Variants in DYNC2H1 observed in about 807,000 individuals in gnomAD.
DYNC2H1 encodes dynein cytoplasmic 2 heavy chain 1, also known as cytoplasmic dynein 2 heavy chain 1.
Under a neutral mutation model 570.0 loss-of-function variants are expected in DYNC2H1, and 410 were observed. That is an observed-to-expected ratio of 0.72 (90% confidence interval 0.66 to 0.78). The LOEUF is 0.78. Among genes scored for constraint, DYNC2H1 ranks in the 30% least tolerant of loss-of-function variants. The probability of loss-of-function intolerance (pLI) is 0.00; values close to 1 mark genes in which losing one functional copy is unlikely to be tolerated. For missense variants in DYNC2H1, 4,865 were observed against 5,046.4 expected (o/e 0.96, Z 1.09); for synonymous variants, 1,688 against 1,677.6 (o/e 1.01, Z -0.15).
intron 83 of DYNC2H1, among the ~76,000 whole-genome samples, chr11:103,376,657 T>G (rs977028766): frequency 6.6e-5 from 10 of 152,236 alleles, no homozygotes; most frequent in African/African-American, 2.4e-4. Context: ...TAGCCACTAT[T>G]TGTAGCTGCT....
In DYNC2H1 at chr11:103,234,130, T is replaced by C; in HGVS notation, c.9537T>C (p.Leu3179=). The C allele has an allele frequency of 6.3e-7, 1 of 1,582,434 alleles. No individual in the cohort carries two copies. Among genetic ancestry groups the C allele is most frequent in the Non-Finnish European group, 8.6e-7 (1 of 1,162,916 alleles). ...CTGCAGAAGTCTTAATTAATCAGCT[T>C]GACAGAGAACATAAGAGATGGAATG... ...IKAAEVLINQ[L]DREHKRWNAQ... is the part of the protein sequence containing the mutation. Residue 3179 remains leucine, a synonymous_variant, in exon 61 of 89, where the codon CTT becomes CTC. Coordinates refer to ENST00000375735, the MANE Select transcript of DYNC2H1 (RefSeq NM_001377.3).
chr11:103,262,786 G>A (rs1865353566), intron 70 of DYNC2H1, among the ~76,000 whole-genome samples: 1 of 151,998 alleles, frequency 6.6e-6, no homozygotes, highest in Non-Finnish European at 1.5e-5. Flanking sequence ...TGAAGAAACT[G>A]CATCAACTAA....
At chr11:103,161,126 A>T (rs1236954347) in intron 29 of DYNC2H1, 82 bp downstream of exon 29, 1 of 756,962 alleles carries the variant, frequency 1.3e-6, no homozygotes, top group Non-Finnish European at 2.0e-6. Flanking sequence ...TAGTCAATTT[A>T]GAGGGTAAAG....
Position 103,461,733 on chromosome 11 carries a change from T to A in DYNC2H1, c.12648+5377T>A, listed in dbSNP as rs1945020313. Among the ~76,000 whole-genome samples the A allele has an allele frequency of 6.6e-6, 1 of 152,082 alleles. No individual in the cohort carries two copies. Among genetic ancestry groups the A allele is most frequent in the Non-Finnish European group, 1.5e-5 (1 of 67,998 alleles). ...CATCCTTTGGTCTTCAAGGTTTTTT[T>A]TTTTTAATAATGTTTAATACTTTCT... On this transcript the variant is annotated intron_variant, in intron 87 of 88. Transcript: ENST00000375735. The surrounding 1 kb of genome is among the most constrained non-coding windows in gnomAD (Gnocchi z 4.8).
chr11:103,158,883 GC>G (rs1232734733), intron 27 of DYNC2H1, 26 bp from the exon 28 acceptor site: 1 of 1,550,550 alleles, frequency 6.4e-7, no homozygotes, highest in Non-Finnish European at 8.7e-7. Flanking sequence ...AAAAAAGAAA[GC>G]TATTTTTTGT....
At chr11:103,313,192 A>G (rs1867676575) in intron 79 of DYNC2H1, among the ~76,000 whole-genome samples, 1 of 152,152 alleles carries the variant, frequency 6.6e-6, no homozygotes, top group Non-Finnish European at 1.5e-5. Context: ...GAAAAGACCC[A>G]CCTATCTCTT....
chr11:103,137,711 C>T (rs1436683778), intron 17 of DYNC2H1, among the ~76,000 whole-genome samples: 107 of 152,062 alleles, frequency 7.0e-4, no homozygotes, highest in Admixed American at 7.0e-3. Flanking sequence ...GCAATGTGGG[C>T]TCTTTTTTGG....
At chr11:103,310,051 T>A (rs913662009) in intron 78 of DYNC2H1, among the ~76,000 whole-genome samples, 4 of 152,194 alleles carry the variant, frequency 2.6e-5, no homozygotes, top group Non-Finnish European at 5.9e-5. Flanking sequence ...TATATGTATG[T>A]GCATATATAT....
chr11:103,309,166 C>CTTTTT (rs1274431520), intron 78 of DYNC2H1, among the ~76,000 whole-genome samples: 16 of 56,536 alleles, frequency 2.8e-4, no homozygotes, highest in Non-Finnish European at 4.4e-4. Flanking sequence ...TAACTGCATG[C>CTTTTT]TATTTTTTTT....
intron 10 of DYNC2H1, among the ~76,000 whole-genome samples, chr11:103,122,034 AG>A (rs1858746255): frequency 1.3e-5 from 2 of 152,328 alleles, no homozygotes; most frequent in African/African-American, 4.8e-5. Flanking sequence ...TTAGGTTGGA[AG>A]GAAGTTAAAG....
intron 84 of DYNC2H1, among the ~76,000 whole-genome samples, chr11:103,400,672 C>T (rs770179827): frequency 1.4e-5 from 2 of 147,792 alleles, no homozygotes; most frequent in African/African-American, 2.5e-5. Flanking sequence ...TTTTTTTTCA[C>T]GCCCCCTTGC....
In DYNC2H1 at chr11:103,211,795, C is replaced by A; in HGVS notation, c.8546C>A (p.Pro2849His). 1 of 1,311,858 alleles carries A rather than the reference C, an allele frequency of 7.6e-7. No individual in the cohort carries two copies. The highest frequency in any genetic ancestry group is 1.0e-6 in the Non-Finnish European group (1 of 988,602). 81.3% of individuals were successfully genotyped at this position (1,311,858 alleles called of 1,614,324 possible). A position where few individuals can be genotyped will look rare whatever the true frequency, so the allele number is the denominator to read the frequency against. The part of the protein sequence containing the change: ...KEEKKKNSVD[P>H]DFLKSFLLIH... ...ATTTTCTATTTTTTTCTAGTTGATC[C>A]TGATTTTCTAAAATCATTTTTATTA... Residue 2849 changes from proline (P) to histidine (H), a missense_variant, in exon 54 of 89, where the codon CCT becomes CAT. Around this residue, in one of 5 missense-constraint regions of DYNC2H1, gnomAD observed 2,401 missense variants for 2,454.6 expected, o/e 0.98. Transcript: ENST00000375735.
chr11:103,140,301 T>A (rs1859830558), intron 17 of DYNC2H1, among the ~76,000 whole-genome samples: 1 of 152,226 alleles, frequency 6.6e-6, no homozygotes, highest in African/African-American at 2.4e-5. Context: ...AGTTTCTTCC[T>A]AGGCTCGATG....
At chr11:103,343,827 A>T (rs1167521027) in intron 82 of DYNC2H1, among the ~76,000 whole-genome samples, 5 of 152,208 alleles carry the variant, frequency 3.3e-5, no homozygotes, top group African/African-American at 1.2e-4. Context: ...TAGACAAACA[A>T]ATCTCCCCAA....
chr11:103,169,321 T>C (rs1861471903), intron 32 of DYNC2H1, among the ~76,000 whole-genome samples: 1 of 152,176 alleles, frequency 6.6e-6, no homozygotes, highest in Non-Finnish European at 1.5e-5. Context: ...AAAATTAGTG[T>C]TATTTTAAAT....
intron 83 of DYNC2H1, among the ~76,000 whole-genome samples, chr11:103,364,325 GA>G (rs1206375291): frequency 1.8e-5 from 2 of 110,890 alleles, no homozygotes; most frequent in South Asian, 5.6e-4. Context: ...TCCTTTTGAT[GA>G]TTTTTTTTTT....
chr11:103,415,626 C>T (rs9734756), intron 84 of DYNC2H1, among the ~76,000 whole-genome samples: 77,110 of 151,810 alleles, frequency 0.51, 19,846 homozygotes, highest in African/African-American at 0.6. Flanking sequence ...GTTAGAATGG[C>T]GATCATTAAA....
chr11:103,290,908 C>T (rs1343157759), intron 75 of DYNC2H1, among the ~76,000 whole-genome samples: 1 of 152,110 alleles, frequency 6.6e-6, no homozygotes, highest in Non-Finnish European at 1.5e-5. Flanking sequence ...ATCAAAAATC[C>T]TAGAGAAGGA....
chr11:103,412,298 AC>A (rs1242950701), intron 84 of DYNC2H1, among the ~76,000 whole-genome samples: 8 of 152,244 alleles, frequency 5.3e-5, no homozygotes, highest in African/African-American at 1.9e-4. Context: ...GAGAATAATG[AC>A]TTTTATTTCT....
Sources: allele counts gnomAD v4.1 joint callset (sites outside exome capture counted in the v4.1 genomes callset), GRCh38; gene constraint gnomAD v4.1.1; regional missense constraint gnomAD v4.1.1; non-coding constraint Gnocchi (gnomAD v3.1); transcripts MANE v1.5; gene names NCBI Gene and HGNC (gene_info 2026-07-23, HGNC 2026-07-21).